The following OR5K1 variants were observed in gnomAD, a reference collection of about 807,000 sequenced individuals.
OR5K1 encodes olfactory receptor family 5 subfamily K member 1, also known as olfactory receptor 5K1.
Under a neutral mutation model 10.4 loss-of-function variants are expected in OR5K1, and 7 were observed. The ratio of observed to expected loss-of-function variants is 0.67; its 90% CI spans 0.38 to 1.26. The LOEUF (loss-of-function observed/expected upper bound fraction) is 1.26. OR5K1 is among the 50% of genes most tolerant of loss of function. OR5K1 has a pLI of 0.02. For missense variants in OR5K1, 435 were observed against 366.2 expected, an observed-to-expected ratio of 1.19 and a Z score of -1.53; for synonymous variants, 135 against 128.5, an observed-to-expected ratio of 1.05 and a Z score of -0.34.
In OR5K1 at chr3:98,470,481, G is replaced by A; in HGVS notation, c.905G>A (p.Arg302Lys). The A allele has an allele frequency of 6.4e-7, 1 of 1,552,428 alleles. No homozygotes were observed. Among genetic ancestry groups the A allele is most frequent in the Non-Finnish European group, 8.8e-7 (1 of 1,131,994 alleles). ...AATAGGGAAGTAATAAGTGTCTTAA[G>A]AAAAATTCTGATGAAGAAATAATCT... ...LRNREVISVL[R>K]KILMKK The change falls in exon 2 of 2, where the codon AGA (arginine) becomes AAA (lysine). Residue 302 changes from arginine to lysine, a missense_variant. By Grantham distance (26) the Arg-to-Lys change is conservative. Transcript: ENST00000642057.
chr3:98,465,757 C>G (rs1705365243), intron 1 of OR5K1, among the ~76,000 whole-genome samples: 2 of 151,884 alleles, frequency 1.3e-5, no homozygotes, highest in Non-Finnish European at 2.9e-5. Context: ...GACCTATTTT[C>G]TAGTGATTAT....
chr3:98,464,601 G>A (rs1705349818), intron 1 of OR5K1, among the ~76,000 whole-genome samples: 1 of 152,140 alleles, frequency 6.6e-6, no homozygotes, highest in African/African-American at 2.4e-5. Flanking sequence ...AGAACTCTTT[G>A]TCTATAAGTA....
rs1006000305 is a variant in OR5K1 at position 98,466,802 on chromosome 3, G to C, written c.-11-2764G>C. On this transcript the variant is annotated intron_variant, in intron 1 of 1. Transcript: ENST00000642057. Reference sequence around the variant, plus strand: ...TCATTGTAGATTCTGGATATTAGCCGTTTGTCAGATGTGTAGGTTGCGAAA... The same window carrying C: ...TCATTGTAGATTCTGGATATTAGCCCTTTGTCAGATGTGTAGGTTGCGAAA... 5.5e-4 allele frequency among the ~76,000 whole-genome samples: 73 copies of C among 133,210 alleles called. 1 individual carries two copies. In the East Asian group the frequency reaches 8.3e-3, roughly 15 times the overall value. 87.4% of individuals were successfully genotyped at this position (133,210 alleles called of 152,430 possible).
In OR5K1 at chr3:98,472,104, C is replaced by G. The variant is rs1705454141; in HGVS notation, c.*1601C>G. The stretch of plus-strand genomic sequence containing the variant: ...GCTATGATTCTGTGAGATGTTTGAG[C>G]CTATTTGACCCGTTGGTTATTTCTT... On this transcript the variant is annotated 3_prime_UTR_variant, in exon 2 of 2. Coordinates refer to ENST00000642057, the MANE Select transcript of OR5K1 (RefSeq NM_001004736.4). 1 of 151,916 alleles carries G rather than the reference C, an allele frequency of 6.6e-6. No individual in the cohort carries two copies. Among genetic ancestry groups the G allele is most frequent in the Non-Finnish European group, 1.5e-5 (1 of 67,958 alleles). 9.4% of individuals were successfully genotyped at this position (151,916 alleles called of 1,614,324 possible).
At chr3:98,468,491 C>T (rs1244040825) in intron 1 of OR5K1, among the ~76,000 whole-genome samples, 8 of 151,104 alleles carry the variant, frequency 5.3e-5, no homozygotes, top group Non-Finnish European at 1.2e-4. Context: ...CTCCCTGTGC[C>T]CACCTCCCAC....
In OR5K1 at chr3:98,470,728, T is replaced by G. The variant is rs1291377782; in HGVS notation, c.*225T>G. 2 of 304,708 alleles carry G rather than the reference T, an allele frequency of 6.6e-6. No homozygotes were observed. The highest frequency in any genetic ancestry group is 6.0e-6 in the Non-Finnish European group (1 of 166,576). 18.9% of individuals were successfully genotyped at this position (304,708 alleles called of 1,614,324 possible). ...AAATAACAAAAATGAAATTCTAATT[T>G]TGAACTCATTCAAGTAACAATGTAG... On this transcript the variant is annotated 3_prime_UTR_variant, in exon 2 of 2. Coordinates refer to ENST00000642057, the MANE Select transcript of OR5K1 (RefSeq NM_001004736.4).
At chr3:98,467,206 T>C (rs1705385330) in intron 1 of OR5K1, among the ~76,000 whole-genome samples, 3 of 93,346 alleles carry the variant, frequency 3.2e-5, no homozygotes, top group Admixed American at 1.1e-4. Flanking sequence ...GATCAGATAG[T>C]TGTAGATATG....
chr3:98,464,879 A>G (rs895862662), intron 1 of OR5K1, among the ~76,000 whole-genome samples: 1 of 152,226 alleles, frequency 6.6e-6, no homozygotes, highest in African/African-American at 2.4e-5. Context: ...AAAGTGGAGT[A>G]GGCATTTGCT....
chr3:98,468,911 GTGT>G (rs1234533020), intron 1 of OR5K1, among the ~76,000 whole-genome samples: 5 of 152,110 alleles, frequency 3.3e-5, no homozygotes, highest in South Asian at 2.1e-4. Flanking sequence ...ATATAGAGAA[GTGT>G]TGTTCTCTGG....
chr3:98,468,742 A>G (rs1705403765), intron 1 of OR5K1, among the ~76,000 whole-genome samples: 1 of 151,988 alleles, frequency 6.6e-6, no homozygotes. Flanking sequence ...GTTTGCTTCC[A>G]CCTTTTGACT....
At position 98,470,500 on chromosome 3, in the gene OR5K1, A is replaced by T. The variant is rs1441579172; in HGVS notation, c.924A>T (p.Lys308Asn). ...TCTTAAGAAAAATTCTGATGAAGAA[A>T]TAATCTCAAGAAAGATGGAAACAAG... ...ISVLRKILMK[K>N] The change falls in exon 2 of 2, where the codon AAA becomes AAT. Residue 308 changes from lysine to asparagine, a missense_variant. Physicochemically the swap from Lys to Asn is moderately conservative, Grantham distance 94. Transcript: ENST00000642057. The T allele has an allele frequency of 6.6e-7, 1 of 1,525,924 alleles. No homozygotes were observed. 94.5% of individuals were successfully genotyped at this position (1,525,924 alleles called of 1,614,324 possible).
chr3:98,470,423 C>T lies in OR5K1; in HGVS notation c.847C>T (p.Pro283Ser). Residue 283 changes from proline (P) to serine (S), a missense_variant, in exon 2 of 2, where the codon CCC becomes TCC. Coordinates refer to ENST00000642057, the MANE Select transcript of OR5K1 (RefSeq NM_001004736.4). Reference protein sequence around the residue: ...PAAILFTIVVPLLNPFIYSLR... With the variant: ...PAAILFTIVVSLLNPFIYSLR... ...TGCAATTTTATTTACAATAGTAGTT[C>T]CCTTACTAAATCCTTTCATTTATAG... 1 of 1,605,096 alleles carries T rather than the reference C, an allele frequency of 6.2e-7. No individual in the cohort carries two copies. The highest frequency in any genetic ancestry group is 8.5e-7 in the Non-Finnish European group (1 of 1,172,522).
At chr3:98,468,111 G>A (rs1203461840) in intron 1 of OR5K1, among the ~76,000 whole-genome samples, 2 of 151,980 alleles carry the variant, frequency 1.3e-5, no homozygotes, top group African/African-American at 4.8e-5. Flanking sequence ...ATGGTTTCTA[G>A]TATAGGCATT....
rs868060735 is a variant in OR5K1, at chr3:98,472,667, C to T, written c.*2164C>T. On this transcript the variant is annotated 3_prime_UTR_variant, in exon 2 of 2. Coordinates refer to ENST00000642057, the MANE Select transcript of OR5K1 (RefSeq NM_001004736.4). ...GAGACTCTGTCTTAGTCTATTCTCTCTGTCTGGAATATCAAAGGTATGCTC... is the reference window on the plus strand; with the variant it reads ...GAGACTCTGTCTTAGTCTATTCTCTTTGTCTGGAATATCAAAGGTATGCTC... 1 of 152,026 alleles carries T rather than the reference C, an allele frequency of 6.6e-6. No individual in the cohort carries two copies. Among genetic ancestry groups the T allele is most frequent in the South Asian group, 2.1e-4 (1 of 4,818 alleles). The allele number at this position is 152,026 out of a possible 1,614,324, so 9.4% of individuals were successfully genotyped here.
In OR5K1 at chr3:98,470,401, A is replaced by T. The variant is rs771538160; in HGVS notation, c.825A>T (p.Ala275=). 1.3e-5 allele frequency: 21 copies of T among 1,609,862 alleles called. No individual in the cohort carries two copies. In the African/African-American group the frequency reaches 2.0e-4, roughly 15 times the overall value. The change falls in exon 2 of 2, where the codon GCA becomes GCT. Residue 275 remains alanine (A), a synonymous_variant. Coordinates refer to ENST00000642057, the MANE Select transcript of OR5K1 (RefSeq NM_001004736.4). ...AAGGGGATAAAGATATACCAGCTGC[A>T]ATTTTATTTACAATAGTAGTTCCCT... ...LEEGDKDIPA[A]ILFTIVVPLL... is the part of the protein sequence containing the mutation.
At chr3:98,468,612 T>G (rs1705402161) in intron 1 of OR5K1, among the ~76,000 whole-genome samples, 1 of 152,110 alleles carries the variant, frequency 6.6e-6, no homozygotes, top group East Asian at 1.9e-4. Flanking sequence ...CAATTAGCAT[T>G]ATGTCTCCAA....
chr3:98,469,691 G>A lies in OR5K1; in HGVS notation c.115G>A (p.Val39Met), dbSNP rs199529629. 109 of 1,613,712 alleles carry A rather than the reference G, an allele frequency of 6.8e-5. No homozygotes were observed. Among genetic ancestry groups the A allele is most frequent in the Middle Eastern group, 1.7e-4 (1 of 6,058 alleles). Reference sequence around the variant, plus strand: ...GTTCTTTGCCATCTATCTGATCACCGTGGTGGGGAATATTAGTTTGGTGGC... The same window carrying A: ...GTTCTTTGCCATCTATCTGATCACCATGGTGGGGAATATTAGTTTGGTGGC... ...VVFFAIYLIT[V>M]VGNISLVALI... The change falls in exon 2 of 2, where the codon GTG becomes ATG. Residue 39 changes from valine to methionine, a missense_variant. By Grantham distance (21) the Val-to-Met change is conservative. Coordinates refer to ENST00000642057, the MANE Select transcript of OR5K1 (RefSeq NM_001004736.4).
At chr3:98,464,041 G>A (rs771983164) in intron 1 of OR5K1, among the ~76,000 whole-genome samples, 28 of 152,022 alleles carry the variant, frequency 1.8e-4, no homozygotes, top group Non-Finnish European at 3.2e-4. Context: ...GATCACTTGA[G>A]GTCAGGAGTT....
intron 1 of OR5K1, among the ~76,000 whole-genome samples, chr3:98,464,042 G>A (rs1705341014): frequency 2.0e-5 from 3 of 152,008 alleles, no homozygotes. Flanking sequence ...ATCACTTGAG[G>A]TCAGGAGTTT....
Sources: gnomAD v4.1 joint callset for allele counts (sites outside exome capture counted in the v4.1 genomes callset) on GRCh38, gnomAD v4.1.1 for gene constraint, MANE v1.5 for transcripts, NCBI Gene and HGNC (gene_info 2026-07-23, HGNC 2026-07-21) for gene names.